JAZF1: variants seen among roughly 807,000 people sequenced by gnomAD.
The protein encoded by JAZF1 is JAZF zinc finger 1.
In JAZF1, 8 loss-of-function variants were observed where a neutral mutation model predicts 26.4. The ratio of observed to expected loss-of-function variants is 0.30; its 90% CI spans 0.18 to 0.55. JAZF1 has a LOEUF of 0.55. JAZF1 is among the 20% of genes least tolerant of loss of function. The pLI, the probability that JAZF1 is intolerant of heterozygous loss-of-function variation, is 0.94. For synonymous variants in JAZF1, 126 were observed against 122.3 expected, an observed-to-expected ratio of 1.03 and a Z score of -0.20; for missense variants, 199 against 322.0, an observed-to-expected ratio of 0.62 and a Z score of 2.92.
intron 1 of JAZF1, among the ~76,000 whole-genome samples, chr7:28,139,057 G>C (rs1782926143): frequency 6.6e-6 from 1 of 152,176 alleles, no homozygotes; most frequent in Admixed American, 6.5e-5. Context: ...TCAGGGGCCT[G>C]GTACTAGTTG....
At chr7:28,078,425 T>C (rs1213058046) in intron 1 of JAZF1, among the ~76,000 whole-genome samples, 1 of 152,198 alleles carries the variant, frequency 6.6e-6, no homozygotes, top group African/African-American at 2.4e-5. Flanking sequence ...GTCATAAACG[T>C]CATTTCTTTT....
At chr7:27,963,318 G>A (rs61191691) in intron 2 of JAZF1, among the ~76,000 whole-genome samples, 6,525 of 152,126 alleles carry the variant, frequency 0.043, 479 homozygotes, top group African/African-American at 0.15. Context: ...ATGTAGCTTT[G>A]GAGCTCTCTT....
At chr7:27,870,671 G>T (rs1764714607) in intron 3 of JAZF1, among the ~76,000 whole-genome samples, 1 of 152,058 alleles carries the variant, frequency 6.6e-6, no homozygotes, top group South Asian at 2.1e-4. Flanking sequence ...TCCAAGCAAG[G>T]GTGGAAGTCC....
chr7:27,967,683 G>T (rs187498498), intron 2 of JAZF1, among the ~76,000 whole-genome samples: 1 of 152,158 alleles, frequency 6.6e-6, no homozygotes, highest in African/African-American at 2.4e-5. Context: ...TAAATTCCTG[G>T]TGCTATTTCT....
intron 1 of JAZF1, among the ~76,000 whole-genome samples, chr7:28,096,295 C>G (rs1244139294): frequency 2.0e-5 from 3 of 152,200 alleles, no homozygotes; most frequent in Non-Finnish European, 2.9e-5. Flanking sequence ...GAGTAAAAGG[C>G]AACACTTTTG....
intron 3 of JAZF1, among the ~76,000 whole-genome samples, chr7:27,885,575 A>G (rs1190084655): frequency 6.6e-6 from 1 of 152,204 alleles, no homozygotes; most frequent in South Asian, 2.1e-4. Flanking sequence ...TATCAGACAC[A>G]TGGCTTGCAA....
chr7:28,175,578 G>C (rs779326974), intron 1 of JAZF1, among the ~76,000 whole-genome samples: 7 of 152,182 alleles, frequency 4.6e-5, no homozygotes, highest in Non-Finnish European at 8.8e-5. Flanking sequence ...GGTCATAAGG[G>C]GGACAAGTGG....
intron 2 of JAZF1, among the ~76,000 whole-genome samples, chr7:27,978,876 T>C (rs1011187795): frequency 8.2e-5 from 12 of 145,464 alleles, no homozygotes; most frequent in Admixed American, 5.5e-4. Flanking sequence ...GGTGTAGGGG[T>C]GTGTATGTGT....
chr7:28,097,805 G>T (rs185089523), intron 1 of JAZF1, among the ~76,000 whole-genome samples: 2 of 152,204 alleles, frequency 1.3e-5, no homozygotes, highest in Admixed American at 6.5e-5. Flanking sequence ...AAATGGGAGG[G>T]TGACAGGAAA....
intron 1 of JAZF1, among the ~76,000 whole-genome samples, chr7:28,179,180 C>A (rs1783593221): frequency 6.6e-6 from 1 of 152,202 alleles, no homozygotes; most frequent in South Asian, 2.1e-4. Context: ...ATTAGACAGC[C>A]CCATTGGGAC....
chr7:28,123,186 G>A (rs1410783535), intron 1 of JAZF1, among the ~76,000 whole-genome samples: 1 of 152,006 alleles, frequency 6.6e-6, no homozygotes, highest in Non-Finnish European at 1.5e-5. Context: ...CTGTGCACAT[G>A]CAGTTTGCTC....
intron 1 of JAZF1, among the ~76,000 whole-genome samples, chr7:28,109,126 G>T (rs1784599753): frequency 6.6e-6 from 1 of 152,150 alleles, no homozygotes; most frequent in Non-Finnish European, 1.5e-5. Context: ...GAATAATTCT[G>T]GGGATGTAAT....
intron 1 of JAZF1, among the ~76,000 whole-genome samples, chr7:28,105,945 A>G (rs2008296): frequency 0.88 from 134,389 of 152,228 alleles, 59,580 homozygotes; most frequent in African/African-American, 0.96. Flanking sequence ...TCTTCCAGGA[A>G]TAACAACATA....
intron 1 of JAZF1, among the ~76,000 whole-genome samples, chr7:28,080,637 C>T (rs1784120115): frequency 6.6e-6 from 1 of 152,158 alleles, no homozygotes; most frequent in South Asian, 2.1e-4. Flanking sequence ...AATTTCAACA[C>T]TGCCATGTCT....
chr7:27,957,795 C>G (rs1562540403), intron 2 of JAZF1, among the ~76,000 whole-genome samples: 1 of 152,256 alleles, frequency 6.6e-6, no homozygotes, highest in East Asian at 1.9e-4. Context: ...ATAAAAGATT[C>G]TTAATAAGAA....
At chr7:28,020,870 A>G (rs139621854) in intron 1 of JAZF1, 83 of 357,290 alleles carry the variant, frequency 2.3e-4, no homozygotes, top group African/African-American at 1.6e-3. Flanking sequence ...GAGCTTTCAA[A>G]TACCAACCGA....
intron 1 of JAZF1, among the ~76,000 whole-genome samples, chr7:28,088,073 C>T (rs895672936): frequency 6.6e-6 from 1 of 152,080 alleles, no homozygotes; most frequent in Non-Finnish European, 1.5e-5. Context: ...AGATTAGATG[C>T]CCTACATTAA....
rs1226320502 is a variant in JAZF1, at chr7:28,180,566, G to A, written c.12C>T (p.Ile4=). 2 of 1,601,992 alleles carry A rather than the reference G, an allele frequency of 1.2e-6. No individual in the cohort carries two copies. The highest frequency in any genetic ancestry group is 1.1e-5 in the South Asian group (1 of 90,658). The change falls in exon 1 of 5, where the codon ATC becomes ATT. Residue 4 remains isoleucine (I), a synonymous_variant. Coordinates refer to ENST00000283928, the MANE Select transcript of JAZF1 (RefSeq NM_175061.4). ...TATTGGAGAAGAAGGAGGCGGCGGC[G>A]ATGCCTGTCATGGTGCTACATCGAG... The part of the protein sequence containing the change: MTG[I]AAASFFSNTC...
intron 2 of JAZF1, among the ~76,000 whole-genome samples, chr7:27,983,106 T>C (rs901058621): frequency 2.0e-5 from 3 of 152,100 alleles, no homozygotes; most frequent in African/African-American, 4.8e-5. Flanking sequence ...CTTTGACGAG[T>C]TGAGAGAAGA....
Sources: allele counts gnomAD v4.1 joint callset (sites outside exome capture counted in the v4.1 genomes callset), GRCh38; gene constraint gnomAD v4.1.1; transcripts MANE v1.5; gene names NCBI Gene and HGNC (gene_info 2026-07-23, HGNC 2026-07-21).